Variants in GLIS3 observed in about 807,000 individuals in gnomAD.
GLIS3 encodes the protein GLIS family zinc finger 3.
A neutral mutation model predicts 78.6 loss-of-function variants in GLIS3; 53 were observed. That is an observed-to-expected ratio of 0.67 (90% CI 0.54 to 0.85). GLIS3 has a LOEUF of 0.85. Among genes scored for constraint, GLIS3 ranks in the 40% least tolerant of loss-of-function variants. The probability of loss-of-function intolerance (pLI) is 0.00; values close to 1 mark genes in which losing one functional copy is unlikely to be tolerated. For missense variants in GLIS3, 1,703 were observed against 1,231.1 expected, an observed-to-expected ratio of 1.38 and a Z score of -5.74; for synonymous variants, 684 against 509.9, an observed-to-expected ratio of 1.34 and a Z score of -4.60.
At chr9:4,433,224 G>A in the GLIS3 span, among the ~76,000 whole-genome samples, 1 of 152,162 alleles carries the variant, frequency 6.6e-6, no homozygotes, top group Non-Finnish European at 1.5e-5. Context: ...CTGAGGTCAG[G>A]AGTTTGAGAC....
chr9:3,914,449 G>A (rs1824366766), intron 6 of GLIS3, among the ~76,000 whole-genome samples: 1 of 151,586 alleles, frequency 6.6e-6, no homozygotes, highest in Non-Finnish European at 1.5e-5. Context: ...TTATAGGCAT[G>A]AGCCTCTGCG....
chr9:4,377,977 C>A, the GLIS3 span, among the ~76,000 whole-genome samples: 1 of 152,046 alleles, frequency 6.6e-6, no homozygotes, highest in African/African-American at 2.4e-5. Context: ...GTAAAGCATA[C>A]CATGGATTAC....
chr9:3,980,931 C>T (rs1819224534), intron 4 of GLIS3, among the ~76,000 whole-genome samples: 1 of 152,188 alleles, frequency 6.6e-6, no homozygotes, highest in African/African-American at 2.4e-5. Flanking sequence ...TCTGTATTTA[C>T]TACACGGTTT....
intron 4 of GLIS3, among the ~76,000 whole-genome samples, chr9:4,095,977 T>C (rs1444481911): frequency 1.3e-5 from 2 of 149,986 alleles, no homozygotes; most frequent in African/African-American, 4.9e-5. Context: ...CCTTGCTCTT[T>C]GTTGTATTTT....
chr9:4,044,748 T>G (rs1217229943), intron 4 of GLIS3, among the ~76,000 whole-genome samples: 1 of 152,186 alleles, frequency 6.6e-6, no homozygotes, highest in East Asian at 1.9e-4. Flanking sequence ...CTAGCATGCT[T>G]TCTCATATTT....
chr9:4,216,433 T>C (rs1032135562), intron 2 of GLIS3, among the ~76,000 whole-genome samples: 3 of 148,490 alleles, frequency 2.0e-5, no homozygotes, highest in African/African-American at 5.0e-5. Context: ...TAAGCTGAGA[T>C]TGCGCCACTG....
In GLIS3 at chr9:3,828,294, G is replaced by T; in HGVS notation, c.2771C>A (p.Ser924Tyr). Residue 924 changes from serine (S) to tyrosine (Y), a missense_variant, in exon 11 of 11, where the codon TCC becomes TAC. Physicochemically the swap from Ser to Tyr is moderately radical, Grantham distance 144. Coordinates refer to ENST00000381971, the MANE Select transcript of GLIS3 (RefSeq NM_001042413.2). ...STVDRCPSQL[S>Y]SVYTEG is the part of the protein sequence containing the mutation. ...CTTTTAGCCTTCGGTGTAGACAGAG[G>T]AGAGCTGGCTAGGACAGCGGTCCAC... The T allele has an allele frequency of 6.2e-7, 1 of 1,614,152 alleles. No homozygotes were observed. Among genetic ancestry groups the T allele is most frequent in the Non-Finnish European group, 8.5e-7 (1 of 1,180,026 alleles).
At chr9:3,936,204 T>A (rs1825890143) in intron 5 of GLIS3, among the ~76,000 whole-genome samples, 1 of 152,218 alleles carries the variant, frequency 6.6e-6, no homozygotes, top group South Asian at 2.1e-4. Context: ...CTTATCCTGA[T>A]GGCTTTGTTA....
chr9:4,308,628 G>C (rs1369852742), intron 4 of GLIS3: 3 of 152,822 alleles, frequency 2.0e-5, no homozygotes, highest in African/African-American at 7.2e-5. Flanking sequence ...AGGGAAACTT[G>C]CCAGGCCCCA....
the GLIS3 span, among the ~76,000 whole-genome samples, chr9:4,374,102 C>G: frequency 6.6e-6 from 1 of 152,144 alleles, no homozygotes; most frequent in Non-Finnish European, 1.5e-5. Flanking sequence ...GAAATCTGTC[C>G]ACCTGTATTC....
intron 4 of GLIS3, among the ~76,000 whole-genome samples, chr9:3,940,107 A>T (rs1405841199): frequency 6.6e-6 from 1 of 152,224 alleles, no homozygotes; most frequent in South Asian, 2.1e-4. Flanking sequence ...TCATCACAAG[A>T]ATTTCCCCTC....
intron 9 of GLIS3, among the ~76,000 whole-genome samples, chr9:3,839,612 T>A (rs1020006201): frequency 6.6e-6 from 1 of 151,334 alleles, no homozygotes; most frequent in Non-Finnish European, 1.5e-5. Flanking sequence ...GAAGTTAAAA[T>A]AACTGAATTT....
chr9:3,962,797 C>T (rs925306887), intron 4 of GLIS3, among the ~76,000 whole-genome samples: 1 of 152,026 alleles, frequency 6.6e-6, no homozygotes, highest in Admixed American at 6.6e-5. Context: ...AAAGGGATCC[C>T]CCACCCCGAA....
chr9:3,937,761 G>A (rs899008879), intron 4 of GLIS3, among the ~76,000 whole-genome samples: 12 of 152,160 alleles, frequency 7.9e-5, no homozygotes, highest in Non-Finnish European at 1.0e-4. Context: ...CCATGTTAAT[G>A]TATATGGTAA....
the GLIS3 span, among the ~76,000 whole-genome samples, chr9:4,440,618 T>A: frequency 6.6e-6 from 1 of 152,218 alleles, no homozygotes; most frequent in African/African-American, 2.4e-5. Context: ...GCTTTGTTCT[T>A]TTTGGTCAGA....
chr9:4,260,483 C>G (rs1825411013), intron 2 of GLIS3, among the ~76,000 whole-genome samples: 1 of 150,868 alleles, frequency 6.6e-6, no homozygotes, highest in Admixed American at 6.6e-5. Context: ...AGGAGAATTG[C>G]TTGAACTCGG....
intron 4 of GLIS3, among the ~76,000 whole-genome samples, chr9:4,013,710 G>A (rs1357655937): frequency 6.6e-6 from 1 of 152,162 alleles, no homozygotes; most frequent in Admixed American, 6.5e-5. Context: ...GTCAGTGCTT[G>A]ATCTTTCAGT....
the GLIS3 span, among the ~76,000 whole-genome samples, chr9:4,460,672 C>T: frequency 8.0e-5 from 12 of 150,612 alleles, no homozygotes; most frequent in African/African-American, 2.9e-4. Flanking sequence ...TAATGTAAGG[C>T]TCCAAAGAAA....
At chr9:3,886,167 A>T (rs537163514) in intron 7 of GLIS3, among the ~76,000 whole-genome samples, 1 of 152,296 alleles carries the variant, frequency 6.6e-6, no homozygotes, top group South Asian at 2.1e-4. Context: ...ATAAAGTATG[A>T]CCTCCTATCT....
Sources: gnomAD v4.1 joint callset for allele counts (sites outside exome capture counted in the v4.1 genomes callset) on GRCh38, gnomAD v4.1.1 for gene constraint, MANE v1.5 for transcripts, NCBI Gene and HGNC (gene_info 2026-07-23, HGNC 2026-07-21) for gene names.